GRIP1: variants seen among roughly 807,000 people sequenced by gnomAD.
The protein encoded by GRIP1 is glutamate receptor interacting protein 1.
GRIP1 carries 45 observed loss-of-function variants against 129.9 expected under a neutral mutation model. That is an observed-to-expected ratio of 0.35 (90% CI 0.27 to 0.44). GRIP1 has a LOEUF of 0.44. Among genes scored for constraint, GRIP1 ranks in the 20% least tolerant of loss-of-function variants. The pLI, the probability that GRIP1 is intolerant of heterozygous loss-of-function variation, is 1.00. For missense variants in GRIP1, 1,196 were observed against 1,396.8 expected, an observed-to-expected ratio of 0.86 and a Z score of 2.29; for synonymous variants, 530 against 520.8, an observed-to-expected ratio of 1.02 and a Z score of -0.24.
intron 1 of GRIP1, among the ~76,000 whole-genome samples, chr12:66,912,109 G>A (rs1288772189): frequency 6.6e-6 from 1 of 152,082 alleles, no homozygotes; most frequent in Non-Finnish European, 1.5e-5. Flanking sequence ...AAAATGATCA[G>A]TTTAAATAAT....
chr12:66,674,020 G>A (rs1486257617), intron 1 of GRIP1, among the ~76,000 whole-genome samples: 1 of 152,174 alleles, frequency 6.6e-6, no homozygotes, highest in Admixed American at 6.5e-5. Flanking sequence ...TTGCAGGTGA[G>A]ATTTGGAAAG....
chr12:66,902,986 T>C (rs2040867311), intron 1 of GRIP1, among the ~76,000 whole-genome samples: 1 of 152,210 alleles, frequency 6.6e-6, no homozygotes, highest in Non-Finnish European at 1.5e-5. Flanking sequence ...TCTGATTTGT[T>C]TATTTTTAAA....
At chr12:67,003,908 G>A (rs1346314763) in intron 1 of GRIP1, among the ~76,000 whole-genome samples, 1 of 152,098 alleles carries the variant, frequency 6.6e-6, no homozygotes, top group African/African-American at 2.4e-5. Context: ...TAGAAGCCTG[G>A]AATCACACTG....
chr12:67,030,529 TTAAAG>T (rs1233942843), intron 1 of GRIP1, among the ~76,000 whole-genome samples: 5 of 152,168 alleles, frequency 3.3e-5, no homozygotes, highest in Non-Finnish European at 5.9e-5. Flanking sequence ...AATTGTACTT[TTAAAG>T]TATTGTTTTC....
At chr12:66,709,670 T>C (rs923203205) in intron 1 of GRIP1, among the ~76,000 whole-genome samples, 1 of 151,848 alleles carries the variant, frequency 6.6e-6, no homozygotes, top group African/African-American at 2.4e-5. Flanking sequence ...AGACAACACA[T>C]GTGCCTTAAG....
At chr12:66,900,552 C>T (rs2040828486) in intron 1 of GRIP1, among the ~76,000 whole-genome samples, 1 of 152,166 alleles carries the variant, frequency 6.6e-6, no homozygotes, top group South Asian at 2.1e-4. Context: ...CAGACACATA[C>T]ACTGCTATAG....
intron 1 of GRIP1, among the ~76,000 whole-genome samples, chr12:66,724,658 C>A (rs1027829836): frequency 7.2e-5 from 11 of 152,156 alleles, no homozygotes; most frequent in Non-Finnish European, 1.6e-4. Flanking sequence ...TACCATACGA[C>A]CCCTCCTTTA....
At chr12:66,456,666 T>A (rs2058974896) in intron 9 of GRIP1, among the ~76,000 whole-genome samples, 2 of 151,996 alleles carry the variant, frequency 1.3e-5, no homozygotes, top group South Asian at 4.2e-4. Flanking sequence ...ACATTTTTTT[T>A]AACTTAAAAG....
chr12:66,693,744 A>G (rs1272846891), intron 1 of GRIP1, among the ~76,000 whole-genome samples: 1 of 152,204 alleles, frequency 6.6e-6, no homozygotes, highest in African/African-American at 2.4e-5. Flanking sequence ...TTCATGGACA[A>G]GAAAATTCCA....
intron 1 of GRIP1, among the ~76,000 whole-genome samples, chr12:66,748,445 T>C (rs969404803): frequency 1.3e-5 from 2 of 152,184 alleles, no homozygotes; most frequent in African/African-American, 4.8e-5. Context: ...ATAAGGGTAA[T>C]AGTAATCCCT....
rs563563097 is a variant in GRIP1 at position 66,969,129 on chromosome 12, C to T, written c.58+99921G>A. ...ATAGATATGGTGATCCCCACAACCC[C>T]AGGGCTTCTTTCAAGATTTTTTCAC... On this transcript the variant is annotated intron_variant, in intron 1 of 1. Coordinates refer to the GRIP1 transcript ENST00000643019. 3.9e-5 allele frequency among the ~76,000 whole-genome samples: 6 copies of T among 152,220 alleles called. No individual in the cohort carries two copies. In the East Asian group the frequency reaches 7.7e-4, roughly 20 times the overall value.
Position 66,523,471 on chromosome 12 carries a change from G to T in GRIP1, c.503-5495C>A, listed in dbSNP as rs1031760615. 2.0e-5 allele frequency among the ~76,000 whole-genome samples: 3 copies of T among 151,010 alleles called. 1 individual carries two copies. The highest frequency in any genetic ancestry group is 4.4e-5 in the Non-Finnish European group (3 of 67,866). On this transcript the variant is annotated intron_variant, in intron 5 of 24. Coordinates refer to ENST00000359742, the MANE Select transcript of GRIP1 (RefSeq NM_001366722.1). The stretch of plus-strand genomic sequence containing the variant: ...GAGAAATAAAATACTTTACAGACAA[G>T]CAAATGCTGAGAGATTTTGTCACCA...
chr12:66,765,617 C>G (rs1264256979), intron 1 of GRIP1, among the ~76,000 whole-genome samples: 2 of 152,180 alleles, frequency 1.3e-5, no homozygotes, highest in Non-Finnish European at 2.9e-5. Flanking sequence ...TTGCTTCACA[C>G]TCCATGGTAG....
Position 66,557,440 on chromosome 12 carries a change from T to C in GRIP1, c.137-15490A>G, listed in dbSNP as rs551349959. On this transcript the variant is annotated intron_variant, in intron 2 of 24. Coordinates refer to ENST00000359742, the MANE Select transcript of GRIP1 (RefSeq NM_001366722.1). ...AGACATAAAATCAACAAAGAAACAATGGACTTAATCTGGACTACAGACCAA... is the reference window on the plus strand; with the variant it reads ...AGACATAAAATCAACAAAGAAACAACGGACTTAATCTGGACTACAGACCAA... 4.0e-4 allele frequency among the ~76,000 whole-genome samples: 61 copies of C among 152,260 alleles called. 2 individuals are homozygous for C. Among genetic ancestry groups the C allele is most frequent in the Admixed American group, 3.6e-3 (55 of 15,288 alleles).
At chr12:66,857,721 G>A (rs988740618) in intron 1 of GRIP1, among the ~76,000 whole-genome samples, 2 of 151,970 alleles carry the variant, frequency 1.3e-5, no homozygotes, top group African/African-American at 4.8e-5. Flanking sequence ...ATTTTGAGGT[G>A]CAGGGAGGTA....
chr12:66,399,533 C>A (rs887203089), intron 16 of GRIP1, among the ~76,000 whole-genome samples: 8 of 151,850 alleles, frequency 5.3e-5, no homozygotes, highest in Non-Finnish European at 1.0e-4. Context: ...CTTTTATATC[C>A]CAACAGAAGG....
intron 1 of GRIP1, among the ~76,000 whole-genome samples, chr12:66,659,375 C>T (rs1241099347): frequency 1.3e-5 from 2 of 152,206 alleles, no homozygotes; most frequent in Non-Finnish European, 2.9e-5. Context: ...CCTCACCACC[C>T]AGAGTTTTAT....
intron 1 of GRIP1, among the ~76,000 whole-genome samples, chr12:66,960,403 T>C (rs2137531437): frequency 6.6e-6 from 1 of 152,158 alleles, no homozygotes; most frequent in Non-Finnish European, 1.5e-5. Flanking sequence ...AGGAGACAGG[T>C]AGATGGAGGT....
chr12:66,483,259 T>C (rs3920021), intron 7 of GRIP1, among the ~76,000 whole-genome samples: 41,072 of 152,122 alleles, frequency 0.27, 5,747 homozygotes, highest in Middle Eastern at 0.41. Flanking sequence ...TATAATGCTA[T>C]TAATAATTTC....
Sources: gnomAD v4.1 joint callset for allele counts (sites outside exome capture counted in the v4.1 genomes callset) on GRCh38, gnomAD v4.1.1 for gene constraint, MANE v1.5 for transcripts, NCBI Gene and HGNC (gene_info 2026-07-23, HGNC 2026-07-21) for gene names.